The following PCDHGB2 variants were observed in gnomAD, a reference collection of about 807,000 sequenced individuals.
PCDHGB2 encodes protocadherin gamma subfamily B, 2, also known as protocadherin gamma-B2.
Under a neutral mutation model 59.3 loss-of-function variants are expected in PCDHGB2, and 55 were observed. The observed-to-expected ratio is 0.93, with a 90% CI of 0.75 to 1.16. The LOEUF (loss-of-function observed/expected upper bound fraction) is 1.16. PCDHGB2 is among the 50% of genes most tolerant of loss of function. The pLI is 0.00. For missense variants in PCDHGB2, 1,228 were observed against 1,198.5 expected, an observed-to-expected ratio of 1.02 and a Z score of -0.36; for synonymous variants, 516 against 512.0, an observed-to-expected ratio of 1.01 and a Z score of -0.11.
rs1243232069 is a variant in PCDHGB2 at position 141,490,842 on chromosome 5, G to A, written c.2422-3965G>A. Reference sequence around the variant, plus strand: ...TGCTGCAGATGCTGCAGATTGTGGTGGGGGTTCGAGACTCCGGCTCTCCCC... The same window carrying A: ...TGCTGCAGATGCTGCAGATTGTGGTAGGGGTTCGAGACTCCGGCTCTCCCC... On this transcript the variant is annotated intron_variant, in intron 1 of 3. Transcript: ENST00000522605. The surrounding 1 kb of genome is among the most constrained non-coding windows in gnomAD (Gnocchi z 5.4). 4.3e-6 allele frequency: 7 copies of A among 1,613,844 alleles called. No homozygotes were observed. In the South Asian group the frequency reaches 6.6e-5, roughly 15 times the overall value.
At chr5:141,366,879 T>G (rs78336776) in intron 1 of PCDHGB2, 22 of 1,324,822 alleles carry the variant, frequency 1.7e-5, no homozygotes, top group Admixed American at 2.5e-5. Context: ...TGGAGATTAA[T>G]TTTTTTTATA....
intron 1 of PCDHGB2, chr5:141,405,044 G>A (rs769617162): frequency 6.2e-7 from 1 of 1,613,938 alleles, no homozygotes; most frequent in Admixed American, 1.7e-5. Context: ...TGTGGCTGTG[G>A]CAGTCGTCTC....
At chr5:141,383,213 A>C in intron 1 of PCDHGB2, 1 of 1,614,012 alleles carries the variant, frequency 6.2e-7, no homozygotes, top group Non-Finnish European at 8.5e-7. Flanking sequence ...TGTCTGGTAA[A>C]CTTTAACATC....
chr5:141,365,401 T>G, intron 1 of PCDHGB2: 1 of 1,614,034 alleles, frequency 6.2e-7, no homozygotes, highest in Non-Finnish European at 8.5e-7. Flanking sequence ...GTTCGATCTC[T>G]GAAGACTGTC....
chr5:141,459,171 A>G (rs2098962477), intron 1 of PCDHGB2, among the ~76,000 whole-genome samples: 1 of 152,180 alleles, frequency 6.6e-6, no homozygotes, highest in Non-Finnish European at 1.5e-5. Flanking sequence ...ATAACCTTCA[A>G]AAGTTCCCTC....
At chr5:141,445,844 A>T (rs979756627) in intron 1 of PCDHGB2, among the ~76,000 whole-genome samples, 3 of 152,216 alleles carry the variant, frequency 2.0e-5, no homozygotes, top group Admixed American at 1.3e-4. Context: ...TGTAAATCAC[A>T]CTTAAAATTC....
rs776211508 is a variant in PCDHGB2, at chr5:141,491,001, C to T, written c.2422-3806C>T. On this transcript the variant is annotated intron_variant, in intron 1 of 3. Transcript: ENST00000522605. The surrounding 1 kb of genome is among the most constrained non-coding windows in gnomAD (Gnocchi z 6.9). The stretch of plus-strand genomic sequence containing the variant: ...TCCCTCGCTCTGCTCCTCCTGGCTC[C>T]TTGGTCACCAAGGTGACAGCCGTGG... The T allele has an allele frequency of 6.2e-7, 1 of 1,614,140 alleles. No individual in the cohort carries two copies. Among genetic ancestry groups the T allele is most frequent in the Non-Finnish European group, 8.5e-7 (1 of 1,180,044 alleles).
intron 1 of PCDHGB2, chr5:141,413,845 C>G: frequency 6.2e-7 from 1 of 1,613,242 alleles, no homozygotes. Flanking sequence ...CGGGGGTGAC[C>G]CTCTCCGATC....
At chr5:141,388,686 G>A (rs1196254559) in intron 1 of PCDHGB2, 5 of 1,613,980 alleles carry the variant, frequency 3.1e-6, no homozygotes, top group Non-Finnish European at 4.2e-6. Context: ...GACTGCCACG[G>A]ACCAGGATGA....
intron 3 of PCDHGB2, among the ~76,000 whole-genome samples, chr5:141,506,038 G>C (rs2099850248): frequency 6.6e-6 from 1 of 152,174 alleles, no homozygotes; most frequent in South Asian, 2.1e-4. Context: ...GTAGGATTCT[G>C]GTTTTCCCAT....
intron 1 of PCDHGB2, among the ~76,000 whole-genome samples, chr5:141,481,065 A>AAAAG (rs1476331686): frequency 6.6e-6 from 1 of 152,164 alleles, no homozygotes; most frequent in African/African-American, 2.4e-5. Context: ...CTCAAAAACA[A>AAAAG]AAAGAAAGAA....
chr5:141,375,369 C>A lies in PCDHGB2; in HGVS notation c.2421+12813C>A. On this transcript the variant is annotated intron_variant, in intron 1 of 3. Coordinates refer to ENST00000522605, the MANE Select transcript of PCDHGB2 (RefSeq NM_018923.3). ...ACTGTGACAGCCACGGACAAAGGAA[C>A]ACCACCTCTGTCTACAGAAACAATC... 1 of 1,613,892 alleles carries A rather than the reference C, an allele frequency of 6.2e-7. No individual in the cohort carries two copies. Among genetic ancestry groups the A allele is most frequent in the South Asian group, 1.1e-5 (1 of 91,084 alleles).
At chr5:141,483,100 G>A (rs1051736065) in intron 1 of PCDHGB2, among the ~76,000 whole-genome samples, 11 of 152,078 alleles carry the variant, frequency 7.2e-5, no homozygotes, top group South Asian at 2.1e-4. Flanking sequence ...AAAAGTGTGC[G>A]TGTAAAACAG....
chr5:141,393,894 C>G lies in PCDHGB2; in HGVS notation c.2421+31338C>G, dbSNP rs201697840. 1.3e-3 allele frequency: 2,063 copies of G among 1,614,000 alleles called. 4 individuals are homozygous for G. Among genetic ancestry groups the G allele is most frequent in the Non-Finnish European group, 1.6e-3 (1,902 of 1,179,890 alleles). On this transcript the variant is annotated intron_variant, in intron 1 of 3. Transcript: ENST00000522605. ...GTTTAGCCCAGTGTTAGAAAATTCT[C>G]TTCCCGGGACAGTAATTGCCTTCTT...
intron 1 of PCDHGB2, among the ~76,000 whole-genome samples, chr5:141,373,541 T>A (rs1769670522): frequency 6.6e-6 from 1 of 152,216 alleles, no homozygotes. Context: ...TGTTTGTGGT[T>A]GTTGGTACCC....
chr5:141,420,022 T>A, intron 1 of PCDHGB2: 3 of 1,614,104 alleles, frequency 1.9e-6, no homozygotes, highest in Middle Eastern at 3.3e-4. Flanking sequence ...CTTTCAGCCC[T>A]ACTGCAGGAG....
intron 1 of PCDHGB2, chr5:141,371,396 GAT>G (rs1767721375): frequency 6.2e-7 from 1 of 1,613,880 alleles, no homozygotes; most frequent in Non-Finnish European, 8.5e-7. Context: ...GTAAAGTACA[GAT>G]AGATATTTCA....
chr5:141,427,995 G>C (rs1292989797), intron 1 of PCDHGB2: 2 of 1,599,590 alleles, frequency 1.3e-6, no homozygotes, highest in African/African-American at 2.7e-5. Flanking sequence ...CGATGGCTCC[G>C]CACTCTTCGA....
At chr5:141,458,434 G>T (rs535464730) in intron 1 of PCDHGB2, among the ~76,000 whole-genome samples, 1 of 152,198 alleles carries the variant, frequency 6.6e-6, no homozygotes, top group African/African-American at 2.4e-5. Context: ...GAAAGAGGAG[G>T]TCCCCCACAT....
Sources: allele counts gnomAD v4.1 joint callset (sites outside exome capture counted in the v4.1 genomes callset), GRCh38; gene constraint gnomAD v4.1.1; non-coding constraint Gnocchi (gnomAD v3.1); transcripts MANE v1.5; gene names NCBI Gene and HGNC (gene_info 2026-07-23, HGNC 2026-07-21).